The following SND1 variants were observed in gnomAD, a reference collection of about 807,000 sequenced individuals.
SND1 encodes the protein staphylococcal nuclease and tudor domain containing 1.
SND1 carries 38 observed loss-of-function variants against 121.7 expected under a neutral mutation model. The observed-to-expected ratio is 0.31, with a 90% CI of 0.24 to 0.41. SND1 has a LOEUF of 0.41. Among genes scored for constraint, SND1 ranks in the 10% least tolerant of loss-of-function variants. The pLI, the probability that SND1 is intolerant of heterozygous loss-of-function variation, is 1.00. For synonymous variants in SND1, 401 were observed against 447.4 expected (o/e 0.90, Z 1.31); for missense variants, 868 against 1,184.6 (o/e 0.73, Z 3.92).
chr7:127,940,657 T>A (rs2116838091), intron 15 of SND1, among the ~76,000 whole-genome samples: 1 of 152,354 alleles, frequency 6.6e-6, no homozygotes, highest in East Asian at 1.9e-4. Flanking sequence ...AAAACCATTC[T>A]TCATCATTGA....
intron 14 of SND1, among the ~76,000 whole-genome samples, chr7:127,920,541 GA>G (rs963289400): frequency 1.1e-4 from 17 of 152,142 alleles, no homozygotes; most frequent in African/African-American, 3.6e-4. Context: ...TTAGAGTATG[GA>G]AAAAAGGGGA....
intron 10 of SND1, among the ~76,000 whole-genome samples, chr7:127,794,563 C>T (rs1307989885): frequency 6.6e-6 from 1 of 152,150 alleles, no homozygotes; most frequent in Non-Finnish European, 1.5e-5. Flanking sequence ...TGATATTATC[C>T]TCTGAATGGG....
intron 16 of SND1, among the ~76,000 whole-genome samples, chr7:128,061,177 G>A (rs922095475): frequency 3.9e-5 from 6 of 152,204 alleles, no homozygotes; most frequent in African/African-American, 1.4e-4. Context: ...ACATTGGTTT[G>A]AAGTGGAGAG....
rs1796254168 is a variant in SND1 at position 127,709,045 on chromosome 7, T to C, written c.1038+1398T>C. Among the ~76,000 whole-genome samples, 4 of 152,214 alleles carry C rather than the reference T, an allele frequency of 2.6e-5. No homozygotes were observed. In the South Asian group the frequency reaches 8.3e-4, roughly 32 times the overall value. ...AGTGGTCTAGTGGCCTCTTTCCCTC[T>C]TTTTGTAGGTGATGTCCAGGCAGCT... On this transcript the variant is annotated intron_variant, in intron 9 of 23. Coordinates refer to ENST00000354725, the MANE Select transcript of SND1 (RefSeq NM_014390.4).
chr7:127,923,809 A>G (rs1032065397), intron 14 of SND1, among the ~76,000 whole-genome samples: 5 of 152,202 alleles, frequency 3.3e-5, no homozygotes, highest in African/African-American at 4.8e-5. Flanking sequence ...ACCATACACC[A>G]TACACCATAC....
intron 11 of SND1, among the ~76,000 whole-genome samples, chr7:127,838,157 CA>C (rs1435905701): frequency 2.0e-5 from 3 of 152,134 alleles, no homozygotes; most frequent in African/African-American, 7.2e-5. Context: ...AGCAGGTGAC[CA>C]GGGGTGACTC....
intron 11 of SND1, among the ~76,000 whole-genome samples, chr7:127,819,691 A>G (rs1310352564): frequency 6.6e-6 from 1 of 152,174 alleles, no homozygotes; most frequent in Admixed American, 6.5e-5. Context: ...AACAGAAGGA[A>G]CCAGCAGGCC....
intron 1 of SND1, among the ~76,000 whole-genome samples, chr7:127,666,217 T>C (rs1009669736): frequency 9.9e-5 from 15 of 152,214 alleles, no homozygotes; most frequent in African/African-American, 3.4e-4. Flanking sequence ...ACCGTAGCTC[T>C]AGAGGAATAA....
chr7:128,047,216 G>A (rs1486531737), intron 16 of SND1, among the ~76,000 whole-genome samples: 5 of 152,222 alleles, frequency 3.3e-5, no homozygotes, highest in Admixed American at 6.5e-5. Context: ...AAAAGGATGG[G>A]CACCTGCCAG....
At chr7:127,663,402 T>G (rs1222668166) in intron 1 of SND1, among the ~76,000 whole-genome samples, 1 of 151,158 alleles carries the variant, frequency 6.6e-6, no homozygotes, top group East Asian at 1.9e-4. Flanking sequence ...AGATGGAGTC[T>G]CGCTCTGTCG....
At chr7:128,047,057 A>G (rs1182366347) in intron 16 of SND1, among the ~76,000 whole-genome samples, 2 of 152,178 alleles carry the variant, frequency 1.3e-5, no homozygotes, top group Non-Finnish European at 2.9e-5. Context: ...TTTCACTATA[A>G]TTGGTTTCCT....
At chr7:127,653,297 C>G (rs747370030) in intron 1 of SND1, among the ~76,000 whole-genome samples, 1 of 152,152 alleles carries the variant, frequency 6.6e-6, no homozygotes, top group Non-Finnish European at 1.5e-5. Flanking sequence ...AATATAAATT[C>G]AGTTTATCAC....
intron 9 of SND1, among the ~76,000 whole-genome samples, chr7:127,716,697 G>C (rs896589869): frequency 1.3e-5 from 2 of 151,992 alleles, no homozygotes; most frequent in African/African-American, 4.8e-5. Context: ...TTTTCTTGCT[G>C]AACTTCTTTG....
intron 15 of SND1, among the ~76,000 whole-genome samples, chr7:127,938,209 C>T (rs986731393): frequency 1.3e-5 from 2 of 152,050 alleles, no homozygotes; most frequent in Non-Finnish European, 1.5e-5. Context: ...TGTTCATGTC[C>T]GGGGATCCTG....
chr7:127,835,970 C>T (rs1199657424), intron 11 of SND1, among the ~76,000 whole-genome samples: 1 of 152,086 alleles, frequency 6.6e-6, no homozygotes, highest in African/African-American at 2.4e-5. Flanking sequence ...TTTCTAATGG[C>T]CCCTTACCTA....
intron 11 of SND1, among the ~76,000 whole-genome samples, chr7:127,815,320 A>G (rs937969202): frequency 1.3e-5 from 2 of 150,450 alleles, no homozygotes; most frequent in Non-Finnish European, 2.9e-5. Flanking sequence ...ATTGACCAGT[A>G]TCCTAATAAG....
At chr7:127,815,429 G>C (rs191340773) in intron 11 of SND1, among the ~76,000 whole-genome samples, 10 of 152,152 alleles carry the variant, frequency 6.6e-5, no homozygotes, top group African/African-American at 2.2e-4. Context: ...GTTGGAGGCC[G>C]CAGTGAACCA....
intron 15 of SND1, among the ~76,000 whole-genome samples, chr7:127,987,789 G>A (rs1432947397): frequency 7.1e-6 from 1 of 141,474 alleles, no homozygotes; most frequent in Non-Finnish European, 1.5e-5. Context: ...ATGGTGAACA[G>A]AAGAGAGACT....
chr7:127,981,510 C>T (rs1182518986), intron 15 of SND1, among the ~76,000 whole-genome samples: 2 of 152,054 alleles, frequency 1.3e-5, no homozygotes, highest in East Asian at 1.9e-4. Context: ...GGAAAGGCCT[C>T]GTTAATCAGT....
Sources: allele counts gnomAD v4.1 joint callset (sites outside exome capture counted in the v4.1 genomes callset), GRCh38; gene constraint gnomAD v4.1.1; transcripts MANE v1.5; gene names NCBI Gene and HGNC (gene_info 2026-07-23, HGNC 2026-07-21).